RBFOX1: variants seen among roughly 807,000 people sequenced by gnomAD.
RBFOX1 encodes RNA binding protein fox-1 homolog 1.
In RBFOX1, 8 loss-of-function variants were observed where a neutral mutation model predicts 57.7. That is an observed-to-expected ratio of 0.14 (90% CI 0.08 to 0.25). The LOEUF is 0.25. Ranked by LOEUF, RBFOX1 falls within the 10% of genes least tolerant of loss-of-function variation. The pLI is 1.00. For missense variants in RBFOX1, 611 were observed against 548.5 expected, an observed-to-expected ratio of 1.11 and a Z score of -1.14; for synonymous variants, 326 against 222.4, an observed-to-expected ratio of 1.47 and a Z score of -4.15.
chr16:7,548,519 G>A (rs1015438569), intron 5 of RBFOX1, among the ~76,000 whole-genome samples: 1 of 152,192 alleles, frequency 6.6e-6, no homozygotes, highest in Non-Finnish European at 1.5e-5. Flanking sequence ...AGAGGTGAAT[G>A]GCACCTACTC....
chr16:7,261,158 C>G (rs541815790), intron 4 of RBFOX1, among the ~76,000 whole-genome samples: 1 of 152,322 alleles, frequency 6.6e-6, no homozygotes, highest in African/African-American at 2.4e-5. Context: ...CACTAGAGCT[C>G]CAGCCGCAGT....
chr16:5,286,894 TG>T (rs1397816348), intron 1 of RBFOX1, among the ~76,000 whole-genome samples: 1 of 152,246 alleles, frequency 6.6e-6, no homozygotes, highest in African/African-American at 2.4e-5. Context: ...ATTTGGCCCT[TG>T]GTCTATAGTT....
At chr16:6,580,248 T>G (rs1262460319) in intron 2 of RBFOX1, among the ~76,000 whole-genome samples, 1 of 152,198 alleles carries the variant, frequency 6.6e-6, no homozygotes. Context: ...TGAGCCACCA[T>G]GCCCGGCCAG....
chr16:6,884,168 A>G (rs982396539), intron 3 of RBFOX1, among the ~76,000 whole-genome samples: 3 of 152,186 alleles, frequency 2.0e-5, no homozygotes, highest in African/African-American at 7.2e-5. Flanking sequence ...GCTGCTTCCG[A>G]GGCCCCTTCT....
intron 4 of RBFOX1, among the ~76,000 whole-genome samples, chr16:5,983,370 C>T (rs1322822290): frequency 7.2e-5 from 11 of 152,306 alleles, no homozygotes; most frequent in South Asian, 4.2e-4. Flanking sequence ...GGAGCTTCTC[C>T]GCGGACAAAT....
At chr16:5,742,822 A>T (rs11864857) in intron 3 of RBFOX1, among the ~76,000 whole-genome samples, 40,374 of 152,126 alleles carry the variant, frequency 0.27, 5,881 homozygotes, top group East Asian at 0.56. Context: ...AGCTAGCCTG[A>T]AAGAACCAAT....
intron 3 of RBFOX1, among the ~76,000 whole-genome samples, chr16:7,007,494 G>A (rs560708415): frequency 1.1e-4 from 16 of 152,238 alleles, no homozygotes; most frequent in African/African-American, 3.1e-4. Context: ...GTCATGTCAC[G>A]CATCGTATTG....
intron 4 of RBFOX1, among the ~76,000 whole-genome samples, chr16:7,422,147 T>C (rs1464100949): frequency 5.3e-5 from 8 of 152,184 alleles, no homozygotes; most frequent in African/African-American, 1.9e-4. Flanking sequence ...TCTGTGTGTA[T>C]GTTTGTGTAC....
chr16:7,367,850 A>G (rs2097485866), intron 4 of RBFOX1, among the ~76,000 whole-genome samples: 1 of 151,526 alleles, frequency 6.6e-6, no homozygotes, highest in Non-Finnish European at 1.5e-5. Context: ...ATATATGCAT[A>G]TATATGTGCA....
intron 3 of RBFOX1, among the ~76,000 whole-genome samples, chr16:6,825,041 G>A (rs963239802): frequency 2.0e-4 from 24 of 120,506 alleles, no homozygotes; most frequent in African/African-American, 7.6e-4. Flanking sequence ...CTGTCACCCA[G>A]GCTGGAATGC....
At chr16:7,201,039 C>G (rs1262237117) in intron 4 of RBFOX1, among the ~76,000 whole-genome samples, 1 of 152,096 alleles carries the variant, frequency 6.6e-6, no homozygotes, top group East Asian at 1.9e-4. Context: ...AAATAGCAAC[C>G]AAATTGAATT....
chr16:7,526,996 C>T (rs1479939258), intron 5 of RBFOX1, among the ~76,000 whole-genome samples: 1 of 152,202 alleles, frequency 6.6e-6, no homozygotes, highest in East Asian at 1.9e-4. Context: ...TTACTCATTT[C>T]ACCCTGGGGA....
intron 3 of RBFOX1, among the ~76,000 whole-genome samples, chr16:5,842,474 T>C (rs1345872879): frequency 6.6e-6 from 1 of 152,226 alleles, no homozygotes; most frequent in Admixed American, 6.5e-5. Context: ...ATTAAGCACC[T>C]ACTGCATGCC....
At chr16:6,562,238 A>G (rs913749364) in intron 2 of RBFOX1, among the ~76,000 whole-genome samples, 6 of 152,180 alleles carry the variant, frequency 3.9e-5, no homozygotes, top group Admixed American at 6.5e-5. Context: ...TGATTTAACC[A>G]CTTTAAGACC....
At chr16:6,677,705 G>C (rs1342676292) in intron 3 of RBFOX1, among the ~76,000 whole-genome samples, 1 of 152,176 alleles carries the variant, frequency 6.6e-6, no homozygotes, top group African/African-American at 2.4e-5. Flanking sequence ...TGTGAGCCAT[G>C]AAATCCTTTT....
chr16:7,624,994 G>A (rs779158358), intron 10 of RBFOX1, among the ~76,000 whole-genome samples: 1 of 152,134 alleles, frequency 6.6e-6, no homozygotes, highest in Non-Finnish European at 1.5e-5. Flanking sequence ...CGGAGAGTGG[G>A]GCCTGGAACA....
chr16:7,165,323 T>G (rs1310972650), intron 4 of RBFOX1, among the ~76,000 whole-genome samples: 1 of 151,026 alleles, frequency 6.6e-6, no homozygotes, highest in Non-Finnish European at 1.5e-5. Context: ...TGGAATGGGC[T>G]GTGCCCACCC....
At chr16:6,239,799 C>T (rs1325003099) in intron 1 of RBFOX1, among the ~76,000 whole-genome samples, 1 of 152,014 alleles carries the variant, frequency 6.6e-6, no homozygotes, top group Non-Finnish European at 1.5e-5. Context: ...GCCCAGCCTC[C>T]ACCTGACTGT....
At chr16:6,922,541 G>C (rs948168533) in intron 3 of RBFOX1, among the ~76,000 whole-genome samples, 1 of 152,180 alleles carries the variant, frequency 6.6e-6, no homozygotes, top group East Asian at 1.9e-4. Context: ...TCCTGCGTCT[G>C]TGTTTTCATT....
Sources: gnomAD v4.1 joint callset for allele counts (sites outside exome capture counted in the v4.1 genomes callset) on GRCh38, gnomAD v4.1.1 for gene constraint, MANE v1.5 for transcripts, NCBI Gene and HGNC (gene_info 2026-07-23, HGNC 2026-07-21) for gene names.